The following RBFOX1 variants were observed in gnomAD, a reference collection of about 807,000 sequenced individuals.
The protein encoded by RBFOX1 is RNA binding fox-1 homolog 1, also known as RNA binding protein fox-1 homolog 1.
Under a neutral mutation model 57.7 loss-of-function variants are expected in RBFOX1, and 8 were observed. That is an observed-to-expected ratio of 0.14 (90% CI 0.08 to 0.25). RBFOX1 has a LOEUF of 0.25. RBFOX1 is among the 10% of genes least tolerant of loss of function. The probability of loss-of-function intolerance (pLI) is 1.00; values close to 1 mark genes in which losing one functional copy is unlikely to be tolerated. For synonymous variants in RBFOX1, 326 were observed against 222.4 expected, an observed-to-expected ratio of 1.47 and a Z score of -4.15; for missense variants, 611 against 548.5, an observed-to-expected ratio of 1.11 and a Z score of -1.14.
intron 4 of RBFOX1, among the ~76,000 whole-genome samples, chr16:7,067,780 G>C (rs1480400686): frequency 1.4e-5 from 2 of 145,512 alleles, no homozygotes; most frequent in African/African-American, 5.1e-5. Context: ...GTGAGAATAT[G>C]TGTTGTTTGA....
chr16:5,710,988 C>G (rs1479155632), intron 3 of RBFOX1, among the ~76,000 whole-genome samples: 1 of 152,224 alleles, frequency 6.6e-6, no homozygotes, highest in Non-Finnish European at 1.5e-5. Context: ...TAGATCAGTT[C>G]TTGTGCCTGA....
At chr16:5,912,923 G>A (rs2058632844) in intron 4 of RBFOX1, among the ~76,000 whole-genome samples, 1 of 152,138 alleles carries the variant, frequency 6.6e-6, no homozygotes, top group African/African-American at 2.4e-5. Flanking sequence ...AAGAACAGAG[G>A]GGAGGCAGGA....
At chr16:6,581,832 C>T (rs558427694) in intron 2 of RBFOX1, among the ~76,000 whole-genome samples, 8 of 152,312 alleles carry the variant, frequency 5.3e-5, no homozygotes, top group African/African-American at 1.4e-4. Context: ...TGTTATATCC[C>T]TCAAAGGATG....
chr16:6,676,947 A>T (rs934197427), intron 3 of RBFOX1, among the ~76,000 whole-genome samples: 1 of 152,008 alleles, frequency 6.6e-6, no homozygotes, highest in African/African-American at 2.4e-5. Flanking sequence ...AAGTGCTGGG[A>T]TTACAGGCAT....
chr16:6,637,589 C>CTA (rs911244538), intron 2 of RBFOX1, among the ~76,000 whole-genome samples: 46 of 142,992 alleles, frequency 3.2e-4, no homozygotes, highest in Non-Finnish European at 5.4e-4. Context: ...ATATAATAGT[C>CTA]TATATATATA....
At chr16:6,486,462 T>C (rs968558463) in intron 2 of RBFOX1, among the ~76,000 whole-genome samples, 1 of 152,124 alleles carries the variant, frequency 6.6e-6, no homozygotes, top group Non-Finnish European at 1.5e-5. Context: ...CTTAGTTGTG[T>C]TTAGCTTTTA....
chr16:5,239,782 C>A, upstream of RBFOX1: 2 of 624,288 alleles, frequency 3.2e-6, no homozygotes, highest in Non-Finnish European at 5.4e-6. Context: ...CAGCTCCGCG[C>A]CGCGCGGACC....
intron 2 of RBFOX1, among the ~76,000 whole-genome samples, chr16:6,646,387 A>C (rs553303585): frequency 2.6e-5 from 4 of 152,190 alleles, no homozygotes; most frequent in Non-Finnish European, 5.9e-5. Flanking sequence ...GGGTTTAGTA[A>C]ATTAATCCTG....
chr16:6,266,297 G>A (rs2074479576), intron 1 of RBFOX1, among the ~76,000 whole-genome samples: 1 of 152,162 alleles, frequency 6.6e-6, no homozygotes, highest in South Asian at 2.1e-4. Context: ...AAAAGTCTGA[G>A]GTCAGTTGTT....
chr16:6,659,058 C>T (rs118149930), intron 3 of RBFOX1, among the ~76,000 whole-genome samples: 3,491 of 151,734 alleles, frequency 0.023, 64 homozygotes, highest in Admixed American at 0.033. Flanking sequence ...AAACCCGATG[C>T]GTTTGACATT....
In RBFOX1 at chr16:6,504,496, G is replaced by A. The variant is rs143656833; in HGVS notation, c.-63-150107G>A. ...AAAATTTGCATGAGACCTTTGTAAT[G>A]TGAAACTTAATTAAAAGTGCAGAGG... On this transcript the variant is annotated intron_variant, in intron 2 of 15. Coordinates refer to ENST00000550418, the MANE Select transcript of RBFOX1 (RefSeq NM_018723.4). Among the ~76,000 whole-genome samples, 709 of 152,292 alleles carry A rather than the reference G, an allele frequency of 4.7e-3. 7 individuals are homozygous for A. The highest frequency in any genetic ancestry group is 0.016 in the African/African-American group (681 of 41,570).
intron 1 of RBFOX1, among the ~76,000 whole-genome samples, chr16:5,401,392 T>C (rs1313406111): frequency 1.3e-5 from 2 of 152,144 alleles, no homozygotes; most frequent in African/African-American, 4.8e-5. Context: ...TCCGGTGTGG[T>C]TCAGCAATGT....
chr16:7,525,817 A>G (rs372462552), intron 5 of RBFOX1, among the ~76,000 whole-genome samples: 1 of 152,288 alleles, frequency 6.6e-6, no homozygotes, highest in East Asian at 1.9e-4. Context: ...AATCCCACCA[A>G]TAAAGGGAGA....
At chr16:7,421,422 A>G (rs1187405072) in intron 4 of RBFOX1, among the ~76,000 whole-genome samples, 1 of 152,204 alleles carries the variant, frequency 6.6e-6, no homozygotes, top group African/African-American at 2.4e-5. Flanking sequence ...AGGCACCCAT[A>G]CGTACACATA....
chr16:7,469,763 C>T (rs1418286073), intron 4 of RBFOX1, among the ~76,000 whole-genome samples: 3 of 152,092 alleles, frequency 2.0e-5, no homozygotes, highest in South Asian at 2.1e-4. Context: ...TATTGTTGTG[C>T]AATTACTACC....
Position 5,451,611 on chromosome 16 carries a change from A to G in RBFOX1, c.220-15605A>G, listed in dbSNP as rs530066103. Among the ~76,000 whole-genome samples, 4 of 152,336 alleles carry G rather than the reference A, an allele frequency of 2.6e-5. No individual in the cohort carries two copies. The South Asian group carries it at 8.3e-4, about 32-fold the overall frequency. On this transcript the variant is annotated intron_variant, in intron 1 of 2. Transcript: ENST00000585867. ...GCAGATAGAAACAGAAATGACTATT[A>G]TTTAAGAAAGAAATAGATTCTTCAG...
At chr16:6,983,081 G>A (rs2089371888) in intron 3 of RBFOX1, among the ~76,000 whole-genome samples, 1 of 150,360 alleles carries the variant, frequency 6.7e-6, no homozygotes, top group African/African-American at 2.4e-5. Context: ...TTACTGGGGA[G>A]TGGCCATGCT....
At chr16:7,601,759 T>C (rs2095037178) in intron 9 of RBFOX1, among the ~76,000 whole-genome samples, 1 of 152,198 alleles carries the variant, frequency 6.6e-6, no homozygotes, top group South Asian at 2.1e-4. Flanking sequence ...TGACCACCTC[T>C]AATAAGTCTG....
Position 6,097,759 on chromosome 16 carries a change from T to C in RBFOX1, c.-127+77767T>C, listed in dbSNP as rs975952199. Among the ~76,000 whole-genome samples, 1 of 151,904 alleles carries C rather than the reference T, an allele frequency of 6.6e-6. No individual in the cohort carries two copies. The highest frequency in any genetic ancestry group is 6.6e-5 in the Admixed American group (1 of 15,262). On this transcript the variant is annotated intron_variant, in intron 1 of 15. Coordinates refer to ENST00000550418, the MANE Select transcript of RBFOX1 (RefSeq NM_018723.4). The surrounding 1 kb of genome is among the most constrained non-coding windows in gnomAD (Gnocchi z 5.0). ...CTCTGTGTCTTTGGTCTGTGTTCTC[T>C]TCTTTTTTTTTTTTTCTTACCACCC...
Sources: gnomAD v4.1 joint callset for allele counts (sites outside exome capture counted in the v4.1 genomes callset) on GRCh38, gnomAD v4.1.1 for gene constraint, Gnocchi (gnomAD v3.1) non-coding constraint, MANE v1.5 for transcripts, NCBI Gene and HGNC (gene_info 2026-07-23, HGNC 2026-07-21) for gene names.